The following NUBPL variants were observed in gnomAD, a reference collection of about 807,000 sequenced individuals.
The protein encoded by NUBPL is iron-sulfur cluster transfer protein NUBPL.
A neutral mutation model predicts 45.7 loss-of-function variants in NUBPL; 31 were observed. The observed-to-expected ratio is 0.68, with a 90% confidence interval of 0.51 to 0.92. The LOEUF is 0.92. Among genes scored for constraint, NUBPL ranks in the 40% least tolerant of loss-of-function variants. The pLI is 0.00. For synonymous variants in NUBPL, 144 were observed against 140.9 expected, an observed-to-expected ratio of 1.02 and a Z score of -0.15; for missense variants, 401 against 398.7, an observed-to-expected ratio of 1.01 and a Z score of -0.05.
Position 31,761,270 on chromosome 14 carries a change from T to G in NUBPL, c.514-26510T>G, listed in dbSNP as rs145447945. Among the ~76,000 whole-genome samples, 581 of 152,244 alleles carry G rather than the reference T, an allele frequency of 3.8e-3. 5 individuals carry two copies. Among genetic ancestry groups the G allele is most frequent in the African/African-American group, 0.013 (547 of 41,552 alleles). On this transcript the variant is annotated intron_variant, in intron 6 of 10. Coordinates refer to ENST00000281081, the MANE Select transcript of NUBPL (RefSeq NM_025152.3). ...CATAGCTCACTGCAGCCTCCAACTGTCCAATTCCTGGGCTCAAGTGATTCT... is the reference window on the plus strand; with the variant it reads ...CATAGCTCACTGCAGCCTCCAACTGGCCAATTCCTGGGCTCAAGTGATTCT...
chr14:31,738,267 A>G (rs1192906265), intron 6 of NUBPL, among the ~76,000 whole-genome samples: 3 of 152,192 alleles, frequency 2.0e-5, no homozygotes, highest in East Asian at 3.9e-4. Context: ...AAGTCAAGCT[A>G]TTTGGAGGGC....
chr14:31,744,214 G>A lies in NUBPL; in HGVS notation c.514-43566G>A, dbSNP rs141507923. ...AGGCTAAGTCACTCAGCCTTATGTC[G>A]TAGACATGAATATAAAGAACCTATT... On this transcript the variant is annotated intron_variant, in intron 6 of 10. Transcript: ENST00000281081. 3.3e-4 allele frequency among the ~76,000 whole-genome samples: 50 copies of A among 152,248 alleles called. No individual in the cohort carries two copies. The East Asian group carries it at 8.3e-3, about 25-fold the overall frequency.
At chr14:31,666,632 G>A (rs1238702527) in intron 4 of NUBPL, among the ~76,000 whole-genome samples, 1 of 152,104 alleles carries the variant, frequency 6.6e-6, no homozygotes, top group Non-Finnish European at 1.5e-5. Flanking sequence ...AGTTGATGCG[G>A]TTTCTTCATA....
intron 7 of NUBPL, chr14:31,801,004 C>G (rs2039577838): frequency 4.6e-5 from 7 of 152,074 alleles, no homozygotes; most frequent in Admixed American, 4.6e-4. Flanking sequence ...GGTGACATAC[C>G]TAGGGACTAG....
intron 4 of NUBPL, among the ~76,000 whole-genome samples, chr14:31,636,760 A>G (rs1436679590): frequency 1.3e-5 from 2 of 152,178 alleles, no homozygotes; most frequent in Non-Finnish European, 2.9e-5. Context: ...TATTGCCACA[A>G]TTTCAGAGCC....
Position 31,822,941 on chromosome 14 carries a change from T to G in NUBPL, c.608-3688T>G, listed in dbSNP as rs558974520. Among the ~76,000 whole-genome samples the G allele has an allele frequency of 3.4e-4, 52 of 152,260 alleles. No individual in the cohort carries two copies. The South Asian group carries it at 0.01, about 30-fold the overall frequency. On this transcript the variant is annotated intron_variant, in intron 7 of 10. Coordinates refer to ENST00000281081, the MANE Select transcript of NUBPL (RefSeq NM_025152.3). ...CAGAGAAAACCAAGCCAGTTTAATA[T>G]CCCTCTCTAGTATCTTATAGCTATT...
intron 6 of NUBPL, among the ~76,000 whole-genome samples, chr14:31,700,920 G>C (rs1394206131): frequency 1.3e-5 from 2 of 152,180 alleles, no homozygotes; most frequent in African/African-American, 4.8e-5. Context: ...ACCGCCCAAG[G>C]GCTGAGGAGT....
At chr14:31,718,885 C>T (rs2037746348) in intron 6 of NUBPL, among the ~76,000 whole-genome samples, 1 of 152,132 alleles carries the variant, frequency 6.6e-6, no homozygotes, top group South Asian at 2.1e-4. Context: ...TGAGTATGAA[C>T]AGAATAAATC....
At chr14:31,700,597 G>A (rs183509246) in intron 6 of NUBPL, among the ~76,000 whole-genome samples, 121 of 152,292 alleles carry the variant, frequency 7.9e-4, no homozygotes, top group Middle Eastern at 3.4e-3. Context: ...AGGCCAGCGC[G>A]AGTTCCGGGT....
chr14:31,814,078 T>A (rs1291984073), intron 7 of NUBPL, among the ~76,000 whole-genome samples: 1 of 152,224 alleles, frequency 6.6e-6, no homozygotes, highest in Non-Finnish European at 1.5e-5. Context: ...TCAATGGTAT[T>A]TCTGGTTCTA....
rs529059754 is a variant in NUBPL, at chr14:31,639,268, C to T, written c.383-34087C>T. On this transcript the variant is annotated intron_variant, in intron 4 of 10. Transcript: ENST00000281081. ...GTGATGTACAGATGGGTTTTTGGTG[C>T]GGATGTCCTTTCTGTTAGTTTTCCT... 5.7e-4 allele frequency among the ~76,000 whole-genome samples: 87 copies of T among 152,164 alleles called. 1 individual carries two copies. Among genetic ancestry groups the T allele is most frequent in the East Asian group, 2.9e-3 (15 of 5,174 alleles).
intron 7 of NUBPL, among the ~76,000 whole-genome samples, chr14:31,795,249 T>C (rs2039461358): frequency 6.6e-6 from 1 of 150,710 alleles, no homozygotes; most frequent in Non-Finnish European, 1.5e-5. Context: ...TTTAAAGTAG[T>C]TTTTTCCAAT....
intron 4 of NUBPL, among the ~76,000 whole-genome samples, chr14:31,645,587 C>G (rs968065808): frequency 1.3e-5 from 2 of 151,968 alleles, no homozygotes; most frequent in South Asian, 4.2e-4. Flanking sequence ...TGAGTTTTCT[C>G]TGGTAGTATG....
At chr14:31,694,242 A>G (rs2037164518) in intron 6 of NUBPL, among the ~76,000 whole-genome samples, 1 of 152,182 alleles carries the variant, frequency 6.6e-6, no homozygotes, top group Admixed American at 6.5e-5. Flanking sequence ...GGAATCAGGT[A>G]CATTAATCCT....
intron 3 of NUBPL, among the ~76,000 whole-genome samples, chr14:31,593,182 T>TA (rs1485101975): frequency 6.6e-6 from 1 of 152,146 alleles, no homozygotes; most frequent in Admixed American, 6.5e-5. Flanking sequence ...AGAGGATGTG[T>TA]ACAGGTTATA....
At chr14:31,771,028 T>C (rs1054218435) in intron 6 of NUBPL, among the ~76,000 whole-genome samples, 58 of 152,336 alleles carry the variant, frequency 3.8e-4, no homozygotes, top group East Asian at 1.9e-4. Context: ...AAGTATTATA[T>C]CTTTTCTTAG....
At chr14:31,674,066 T>G (rs568617456) in intron 6 of NUBPL, among the ~76,000 whole-genome samples, 1 of 152,354 alleles carries the variant, frequency 6.6e-6, no homozygotes, top group South Asian at 2.1e-4. Context: ...TCCAATCAAC[T>G]TTAATTTAGC....
At chr14:31,634,860 T>C (rs981755292) in intron 4 of NUBPL, among the ~76,000 whole-genome samples, 37 of 150,578 alleles carry the variant, frequency 2.5e-4, no homozygotes, top group African/African-American at 8.6e-4. Context: ...CATTTTTTCA[T>C]GTGTCTTTTG....
At chr14:31,821,882 A>C (rs11626536) in intron 7 of NUBPL, among the ~76,000 whole-genome samples, 9,508 of 152,310 alleles carry the variant, frequency 0.062, 405 homozygotes, top group Non-Finnish European at 0.092. Context: ...TGTCATTTGC[A>C]ACAACGTGGA....
Sources: gnomAD v4.1 joint callset for allele counts (sites outside exome capture counted in the v4.1 genomes callset) on GRCh38, gnomAD v4.1.1 for gene constraint, MANE v1.5 for transcripts, NCBI Gene and HGNC (gene_info 2026-07-23, HGNC 2026-07-21) for gene names.